GABRG3: variants seen among roughly 807,000 people sequenced by gnomAD.
GABRG3 encodes the protein gamma-aminobutyric acid type A receptor subunit gamma3, also known as gamma-aminobutyric acid receptor subunit gamma-3.
Under a neutral mutation model 48.8 loss-of-function variants are expected in GABRG3, and 25 were observed. The ratio of observed to expected loss-of-function variants is 0.51; its 90% CI spans 0.37 to 0.72. The LOEUF (loss-of-function observed/expected upper bound fraction) is 0.72. GABRG3 is among the 30% of genes least tolerant of loss of function. GABRG3 has a pLI of 0.00. For synonymous variants in GABRG3, 227 were observed against 217.6 expected (o/e 1.04, Z -0.38); for missense variants, 394 against 577.9 (o/e 0.68, Z 3.26).
At chr15:27,368,606 TA>T (rs142510159) in intron 5 of GABRG3, among the ~76,000 whole-genome samples, 1,650 of 152,304 alleles carry the variant, frequency 0.011, 40 homozygotes, top group African/African-American at 0.037. Context: ...CAACACCATG[TA>T]AGTTAGGTTC....
rs543007514 is a variant in GABRG3, at chr15:27,074,935, T to C, written c.270+48114T>C. ...TCCTGGAGGAGCCACTGTGTTTGAA[T>C]GATGAGAACATGTACTCATCTTCAT... On this transcript the variant is annotated intron_variant, in intron 3 of 9. Coordinates refer to ENST00000615808, the MANE Select transcript of GABRG3 (RefSeq NM_033223.5). Among the ~76,000 whole-genome samples the C allele has an allele frequency of 3.9e-5, 6 of 152,310 alleles. No individual in the cohort carries two copies. The East Asian group carries it at 1.2e-3, about 29-fold the overall frequency.
intron 5 of GABRG3, among the ~76,000 whole-genome samples, chr15:27,478,093 T>C (rs1228759341): frequency 6.6e-6 from 1 of 150,498 alleles, no homozygotes; most frequent in East Asian, 1.9e-4. Context: ...ATTCTGGAGA[T>C]GGATGCGCCA....
At chr15:27,335,924 A>G (rs1330746334) in intron 5 of GABRG3, among the ~76,000 whole-genome samples, 1 of 152,192 alleles carries the variant, frequency 6.6e-6, no homozygotes, top group East Asian at 1.9e-4. Flanking sequence ...GTGGTGGCTC[A>G]TGCCTGTAAT....
Position 27,261,517 on chromosome 15 carries a change from T to TTCATATATATAC in GABRG3, c.271-65291_271-65280dup, listed in dbSNP as rs1890766530. ...TCACACACCCTTACGTACTACAGTA[T>TTCATATATATAC]TCATATATATACATATATATATGTA... On this transcript the variant is annotated intron_variant, in intron 3 of 9. Coordinates refer to ENST00000615808, the MANE Select transcript of GABRG3 (RefSeq NM_033223.5). Among the ~76,000 whole-genome samples the TTCATATATATAC allele has an allele frequency of 2.0e-5, 3 of 150,360 alleles. No individual in the cohort carries two copies. In the South Asian group the frequency reaches 6.3e-4, roughly 32 times the overall value.
At chr15:27,475,934 AAGGT>A (rs1366643092) in intron 5 of GABRG3, among the ~76,000 whole-genome samples, 3 of 152,100 alleles carry the variant, frequency 2.0e-5, no homozygotes, top group Non-Finnish European at 2.9e-5. Flanking sequence ...GATGATGACA[AAGGT>A]AGGAAGAAGT....
intron 3 of GABRG3, among the ~76,000 whole-genome samples, chr15:27,235,006 T>G (rs1051222254): frequency 3.3e-5 from 5 of 152,158 alleles, no homozygotes; most frequent in African/African-American, 1.2e-4. Context: ...TCTGGCCTGT[T>G]GGCTGAGGGC....
intron 3 of GABRG3, among the ~76,000 whole-genome samples, chr15:27,071,810 TTAAGCTTGAAGATTGTATTCAAGCGTAC>T (rs1480058361): frequency 6.6e-6 from 1 of 152,246 alleles, no homozygotes; most frequent in African/African-American, 2.4e-5. Context: ...AAAGTGTATC[TTAAGCTTGAAGATTGTATTCAAGCGTAC>T]TAAGATGGCT....
intron 3 of GABRG3, among the ~76,000 whole-genome samples, chr15:27,114,575 T>C (rs1025541079): frequency 6.6e-6 from 1 of 152,212 alleles, no homozygotes; most frequent in African/African-American, 2.4e-5. Context: ...TGCTGTATTC[T>C]CCACAAAAAG....
At chr15:27,313,274 A>ATG (rs1893082830) in intron 3 of GABRG3, among the ~76,000 whole-genome samples, 1 of 71,968 alleles carries the variant, frequency 1.4e-5, no homozygotes, top group African/African-American at 7.5e-5. Flanking sequence ...ATATATATAT[A>ATG]TATATATATA....
In GABRG3 at chr15:27,236,654, C is replaced by A. The variant is rs547216765; in HGVS notation, c.271-90155C>A. Among the ~76,000 whole-genome samples, 188 of 152,300 alleles carry A rather than the reference C, an allele frequency of 1.2e-3. No individual in the cohort carries two copies. Among genetic ancestry groups the A allele is most frequent in the African/African-American group, 4.1e-3 (169 of 41,556 alleles). ...CAATACACCTGTTCCTGATTAGAGA[C>A]CACCAGCCACAGAGTGGCTCTGACC... On this transcript the variant is annotated intron_variant, in intron 3 of 9. Coordinates refer to ENST00000615808, the MANE Select transcript of GABRG3 (RefSeq NM_033223.5). The surrounding 1 kb of genome is among the most constrained non-coding windows in gnomAD (Gnocchi z 4.4).
intron 3 of GABRG3, among the ~76,000 whole-genome samples, chr15:27,031,806 A>G (rs113249346): frequency 3.9e-5 from 6 of 152,288 alleles, no homozygotes; most frequent in Non-Finnish European, 7.3e-5. Flanking sequence ...AGGATGATCT[A>G]TTGCTTTGTG....
At chr15:27,250,299 A>G (rs1270834089) in intron 3 of GABRG3, among the ~76,000 whole-genome samples, 1 of 152,334 alleles carries the variant, frequency 6.6e-6, no homozygotes, top group East Asian at 1.9e-4. Flanking sequence ...GCCACATGCT[A>G]GTCACAGGAG....
intron 6 of GABRG3, among the ~76,000 whole-genome samples, chr15:27,495,146 G>A (rs1890452781): frequency 6.6e-6 from 1 of 151,972 alleles, no homozygotes; most frequent in Admixed American, 6.6e-5. Flanking sequence ...CAACCCATGG[G>A]AACCACCTTA....
chr15:27,276,065 G>A (rs1294244148), intron 3 of GABRG3, among the ~76,000 whole-genome samples: 1 of 152,180 alleles, frequency 6.6e-6, no homozygotes, highest in East Asian at 1.9e-4. Flanking sequence ...AAATGAGAAC[G>A]AGCAAAGGCT....
At chr15:27,157,140 C>T (rs1183708713) in intron 3 of GABRG3, among the ~76,000 whole-genome samples, 1 of 152,100 alleles carries the variant, frequency 6.6e-6, no homozygotes, top group Non-Finnish European at 1.5e-5. Flanking sequence ...AAAAATGAAA[C>T]ACAGATGACT....
At chr15:27,145,603 C>CTCTATCTA (rs140259026) in intron 3 of GABRG3, among the ~76,000 whole-genome samples, 3,941 of 102,326 alleles carry the variant, frequency 0.039, 137 homozygotes, top group East Asian at 0.17. Context: ...ATATATCTAT[C>CTCTATCTA]TCTATCTATC....
intron 5 of GABRG3, among the ~76,000 whole-genome samples, chr15:27,369,675 C>T (rs141917498): frequency 1.1e-4 from 16 of 151,878 alleles, no homozygotes; most frequent in Admixed American, 5.2e-4. Flanking sequence ...GACGTGGTAG[C>T]GGGCACCTGT....
intron 3 of GABRG3, among the ~76,000 whole-genome samples, chr15:27,113,456 G>A (rs192523677): frequency 6.6e-6 from 1 of 152,316 alleles, no homozygotes; most frequent in Non-Finnish European, 1.5e-5. Flanking sequence ...ACCGGATGGT[G>A]AATGCAGAAA....
rs531542545 is a variant in GABRG3 at position 27,399,754 on chromosome 15, A to C, written c.574+70866A>C. 2.0e-5 allele frequency among the ~76,000 whole-genome samples: 3 copies of C among 152,284 alleles called. No homozygotes were observed. The East Asian group carries it at 5.8e-4, about 29-fold the overall frequency. ...TGGTCCATTTTGTTAAAATGTCTTC[A>C]ATTTCCTATCTCAAGACTATTAAAA... On this transcript the variant is annotated intron_variant, in intron 5 of 9. Coordinates refer to ENST00000615808, the MANE Select transcript of GABRG3 (RefSeq NM_033223.5).
Sources: allele counts gnomAD v4.1 joint callset (sites outside exome capture counted in the v4.1 genomes callset), GRCh38; gene constraint gnomAD v4.1.1; non-coding constraint Gnocchi (gnomAD v3.1); transcripts MANE v1.5; gene names NCBI Gene and HGNC (gene_info 2026-07-23, HGNC 2026-07-21).